Variants in NCKAP5 observed in about 807,000 individuals in gnomAD.
The protein encoded by NCKAP5 is NCK associated protein 5.
Under a neutral mutation model 167.0 loss-of-function variants are expected in NCKAP5, and 92 were observed. The ratio of observed to expected loss-of-function variants is 0.55; its 90% CI spans 0.47 to 0.66. The LOEUF is 0.66. Ranked by LOEUF, NCKAP5 falls within the 30% of genes least tolerant of loss-of-function variation. The pLI is 0.00. For synonymous variants in NCKAP5, 891 were observed against 877.4 expected (o/e 1.02, Z -0.27); for missense variants, 2,378 against 2,315.0 (o/e 1.03, Z -0.56).
chr2:133,068,204 C>A (rs2080265188), intron 6 of NCKAP5, among the ~76,000 whole-genome samples: 1 of 152,122 alleles, frequency 6.6e-6, no homozygotes, highest in Admixed American at 6.5e-5. Context: ...GGGCTTAGGG[C>A]ATACCTGAAC....
chr2:132,694,814 A>C (rs2105177988), intron 19 of NCKAP5, among the ~76,000 whole-genome samples: 1 of 152,332 alleles, frequency 6.6e-6, no homozygotes, highest in African/African-American at 2.4e-5. Context: ...CACAAAAGTT[A>C]GGTTAGTCTA....
At chr2:133,072,874 G>A (rs1307156429) in intron 6 of NCKAP5, among the ~76,000 whole-genome samples, 1 of 152,106 alleles carries the variant, frequency 6.6e-6, no homozygotes, top group African/African-American at 2.4e-5. Context: ...AGGAAAGGAA[G>A]CCTCAAAACA....
chr2:133,343,761 C>T (rs1052961586), intron 3 of NCKAP5, among the ~76,000 whole-genome samples: 3 of 152,216 alleles, frequency 2.0e-5, no homozygotes, highest in Non-Finnish European at 4.4e-5. Context: ...CAGACCCAAA[C>T]ATACAAGTTT....
At chr2:133,634,592 T>G in the NCKAP5 span, among the ~76,000 whole-genome samples, 1 of 152,168 alleles carries the variant, frequency 6.6e-6, no homozygotes. Context: ...GTTTTCCAAG[T>G]AATAACACTT....
Position 133,255,101 on chromosome 2 carries a change from C to T in NCKAP5, c.144-41322G>A, listed in dbSNP as rs575653226. Among the ~76,000 whole-genome samples, 17 of 151,878 alleles carry T rather than the reference C, an allele frequency of 1.1e-4. No homozygotes were observed. In the South Asian group the frequency reaches 2.1e-3, roughly 19 times the overall value. On this transcript the variant is annotated intron_variant, in intron 4 of 19. Transcript: ENST00000409261. ...TTGTGGTGGTTGTCAGAATAAAATACTGGACATAAAGGACTTCTGCAAACA... is the reference window on the plus strand; with the variant it reads ...TTGTGGTGGTTGTCAGAATAAAATATTGGACATAAAGGACTTCTGCAAACA...
intron 5 of NCKAP5, among the ~76,000 whole-genome samples, chr2:133,160,148 G>C (rs1022546150): frequency 6.6e-6 from 1 of 152,176 alleles, no homozygotes; most frequent in African/African-American, 2.4e-5. Context: ...TTATCTCACA[G>C]TCCTGGAGGC....
chr2:133,516,719 T>C (rs370109199), intron 3 of NCKAP5, among the ~76,000 whole-genome samples: 1 of 152,204 alleles, frequency 6.6e-6, no homozygotes, highest in Admixed American at 6.5e-5. Context: ...CACATCCCTA[T>C]AAAATGTGCA....
chr2:133,338,396 G>A (rs1299998935), intron 3 of NCKAP5, among the ~76,000 whole-genome samples: 1 of 152,186 alleles, frequency 6.6e-6, no homozygotes, highest in Admixed American at 6.5e-5. Flanking sequence ...AGCATTCAGA[G>A]CCTAAGGTCT....
intron 16 of NCKAP5, 36 bp downstream of exon 16, chr2:132,773,780 T>C: frequency 1.3e-6 from 2 of 1,485,792 alleles, no homozygotes; most frequent in South Asian, 2.3e-5. Flanking sequence ...TTAGAATAAG[T>C]CTCCATAAAA....
intron 7 of NCKAP5, among the ~76,000 whole-genome samples, chr2:132,972,430 G>C (rs1216747977): frequency 2.0e-5 from 3 of 152,152 alleles, no homozygotes; most frequent in African/African-American, 7.2e-5. Flanking sequence ...TGCTTAGAAA[G>C]CCTTAGTAAT....
intron 3 of NCKAP5, among the ~76,000 whole-genome samples, chr2:133,397,273 T>A (rs1687789503): frequency 6.6e-6 from 1 of 152,234 alleles, no homozygotes. Flanking sequence ...CCAATCTAAA[T>A]CAATCTTTCT....
intron 4 of NCKAP5, among the ~76,000 whole-genome samples, chr2:133,216,141 A>C (rs1460775394): frequency 6.6e-6 from 1 of 152,144 alleles, no homozygotes; most frequent in African/African-American, 2.4e-5. Flanking sequence ...TGAAAGACTT[A>C]ATATTATTAC....
At chr2:133,168,038 T>C (rs943024871) in intron 5 of NCKAP5, among the ~76,000 whole-genome samples, 1 of 152,182 alleles carries the variant, frequency 6.6e-6, no homozygotes, top group Admixed American at 6.5e-5. Flanking sequence ...CTTTATATGA[T>C]AATTCTTTTA....
chr2:133,228,559 T>C (rs535654856), intron 4 of NCKAP5, among the ~76,000 whole-genome samples: 2 of 152,312 alleles, frequency 1.3e-5, no homozygotes, highest in African/African-American at 4.8e-5. Context: ...TTTCTGTGTA[T>C]TCCCACTGTC....
intron 7 of NCKAP5, among the ~76,000 whole-genome samples, chr2:132,967,591 G>A (rs2076710093): frequency 6.6e-6 from 1 of 152,132 alleles, no homozygotes; most frequent in South Asian, 2.1e-4. Flanking sequence ...GGGGAGAAAA[G>A]GAGGGGGAGA....
chr2:132,880,516 G>A (rs542545527), intron 8 of NCKAP5, among the ~76,000 whole-genome samples: 3 of 152,260 alleles, frequency 2.0e-5, no homozygotes, highest in South Asian at 4.1e-4. Flanking sequence ...TGTAATCCCA[G>A]CTATTCGGGA....
chr2:133,011,638 G>C (rs747943963), intron 6 of NCKAP5, among the ~76,000 whole-genome samples: 2 of 152,198 alleles, frequency 1.3e-5, no homozygotes, highest in African/African-American at 2.4e-5. Flanking sequence ...AGCAACCCCA[G>C]ACTTCAATAG....
intron 7 of NCKAP5, among the ~76,000 whole-genome samples, chr2:132,973,693 G>A (rs1176164446): frequency 2.0e-5 from 3 of 151,262 alleles, no homozygotes; most frequent in Admixed American, 2.0e-4. Context: ...TTCCAGAAGT[G>A]TATTTCTATC....
intron 6 of NCKAP5, among the ~76,000 whole-genome samples, chr2:133,054,643 C>T (rs1259226695): frequency 2.6e-5 from 4 of 151,960 alleles, no homozygotes; most frequent in African/African-American, 7.3e-5. Context: ...CTACTGGTGA[C>T]GAAGAGAATT....
Sources: allele counts gnomAD v4.1 joint callset (sites outside exome capture counted in the v4.1 genomes callset), GRCh38; gene constraint gnomAD v4.1.1; transcripts MANE v1.5; gene names NCBI Gene and HGNC (gene_info 2026-07-23, HGNC 2026-07-21).